The following ARK2N variants were observed in gnomAD, a reference collection of about 807,000 sequenced individuals.
ARK2N encodes the protein arkadia (RNF111) N-terminal like PKA signaling regulator 2N.
chr18:46,177,791 C>T, the ARK2N span, among the ~76,000 whole-genome samples: 1 of 151,918 alleles, frequency 6.6e-6, no homozygotes, highest in Admixed American at 6.6e-5. Context: ...CATCTTTAGT[C>T]CCTGCTGCTT....
At chr18:46,247,176 GT>G in the ARK2N span, among the ~76,000 whole-genome samples, 5 of 148,090 alleles carry the variant, frequency 3.4e-5, no homozygotes, top group African/African-American at 5.0e-5. Context: ...ATGGTACCTT[GT>G]TTTTTTTTTA....
the ARK2N span, chr18:46,266,780 A>G: frequency 6.6e-6 from 1 of 152,604 alleles, no homozygotes; most frequent in Non-Finnish European, 1.5e-5. Context: ...GTGCAACTCT[A>G]GTTTTTAAAA....
the ARK2N span, among the ~76,000 whole-genome samples, chr18:46,229,356 G>C: frequency 6.6e-6 from 1 of 152,028 alleles, no homozygotes; most frequent in Non-Finnish European, 1.5e-5. Context: ...GTAAGTACTT[G>C]TTGTTTTTTG....
At chr18:46,204,399 T>C in the ARK2N span, among the ~76,000 whole-genome samples, 1 of 152,304 alleles carries the variant, frequency 6.6e-6, no homozygotes, top group Middle Eastern at 3.4e-3. Flanking sequence ...ACAGGGAAAG[T>C]ACTATAGCCT....
the ARK2N span, among the ~76,000 whole-genome samples, chr18:46,241,744 G>A: frequency 6.6e-6 from 1 of 151,944 alleles, no homozygotes; most frequent in Non-Finnish European, 1.5e-5. Context: ...GAAAAAAGAA[G>A]TAATAATGCT....
At chr18:46,223,100 C>A in the ARK2N span, among the ~76,000 whole-genome samples, 2,163 of 152,234 alleles carry the variant, frequency 0.014, 60 homozygotes, top group African/African-American at 0.049. Flanking sequence ...TTTTAGTATT[C>A]ATTGAGAAAT....
chr18:46,238,693 G>C, the ARK2N span, among the ~76,000 whole-genome samples: 1 of 152,080 alleles, frequency 6.6e-6, no homozygotes, highest in African/African-American at 2.4e-5. Context: ...TTTTATGTTT[G>C]GTCATTTTTT....
chr18:46,190,030 A>G, the ARK2N span, among the ~76,000 whole-genome samples: 5 of 152,338 alleles, frequency 3.3e-5, no homozygotes, highest in African/African-American at 9.6e-5. Context: ...AAACTCTTCT[A>G]AATATATCTA....
At chr18:46,251,342 A>T in the ARK2N span, among the ~76,000 whole-genome samples, 9 of 152,196 alleles carry the variant, frequency 5.9e-5, no homozygotes, top group Admixed American at 2.0e-4. Flanking sequence ...AGCAAGACTT[A>T]ACCAATTCCA....
chr18:46,200,091 TGCGC>T, the ARK2N span, among the ~76,000 whole-genome samples: 1 of 147,982 alleles, frequency 6.8e-6, no homozygotes, highest in Admixed American at 6.7e-5. Flanking sequence ...TGTGTGTGTG[TGCGC>T]GCGCGTGCTG....
the ARK2N span, among the ~76,000 whole-genome samples, chr18:46,175,263 C>T: frequency 1.9e-3 from 291 of 152,190 alleles, 2 homozygotes; most frequent in Middle Eastern, 0.02. Flanking sequence ...CTTTTGCTTT[C>T]TGAATCCTCT....
the ARK2N span, chr18:46,263,437 T>A: frequency 4.9e-6 from 1 of 203,974 alleles, no homozygotes; most frequent in East Asian, 1.1e-4. Flanking sequence ...AATATTTTAA[T>A]TGCCAGGCAA....
the ARK2N span, among the ~76,000 whole-genome samples, chr18:46,248,457 T>C: frequency 6.6e-6 from 1 of 152,226 alleles, no homozygotes; most frequent in African/African-American, 2.4e-5. Context: ...GCTTATATTT[T>C]GTAGGTAGCT....
chr18:46,179,457 T>G, the ARK2N span, among the ~76,000 whole-genome samples: 1 of 152,124 alleles, frequency 6.6e-6, no homozygotes, highest in Admixed American at 6.6e-5. Flanking sequence ...CTCTTATGAT[T>G]CCACTTAAAG....
At chr18:46,200,211 A>G in the ARK2N span, among the ~76,000 whole-genome samples, 710 of 152,130 alleles carry the variant, frequency 4.7e-3, 2 homozygotes, top group Non-Finnish European at 7.4e-3. Flanking sequence ...TAATCAATCA[A>G]TTTTATCAGT....
chr18:46,179,968 A>G, the ARK2N span, among the ~76,000 whole-genome samples: 29 of 152,186 alleles, frequency 1.9e-4, no homozygotes, highest in East Asian at 3.8e-4. Context: ...AGAGGAAACT[A>G]TGTGATCTAT....
chr18:46,244,615 T>TTTTTTTTTC, the ARK2N span, among the ~76,000 whole-genome samples: 2 of 145,908 alleles, frequency 1.4e-5, no homozygotes, highest in African/African-American at 5.1e-5. Flanking sequence ...TTTTTTTTTT[T>TTTTTTTTTC]TTTTTTTAAG....
chr18:46,223,451 T>G, the ARK2N span, among the ~76,000 whole-genome samples: 1 of 152,186 alleles, frequency 6.6e-6, no homozygotes, highest in Non-Finnish European at 1.5e-5. Context: ...CTCACAGCCT[T>G]TTAGGCATTG....
At chr18:46,227,855 C>G in the ARK2N span, among the ~76,000 whole-genome samples, 1 of 152,198 alleles carries the variant, frequency 6.6e-6, no homozygotes, top group Non-Finnish European at 1.5e-5. Context: ...GCCTCAGCCT[C>G]CCAAAGTGCT....
Sources: allele counts gnomAD v4.1 joint callset (sites outside exome capture counted in the v4.1 genomes callset), GRCh38; gene constraint gnomAD v4.1.1; transcripts MANE v1.5; gene names NCBI Gene and HGNC (gene_info 2026-07-23, HGNC 2026-07-21).